Variants in GAB1 observed in about 807,000 individuals in gnomAD.
GAB1 encodes the protein GRB2 associated binding protein 1.
In GAB1, 19 loss-of-function variants were observed where a neutral mutation model predicts 66.5. That is an observed-to-expected ratio of 0.29 (90% CI 0.20 to 0.42). The LOEUF is 0.42. Among genes scored for constraint, GAB1 ranks in the 10% least tolerant of loss-of-function variants. The pLI, the probability that GAB1 is intolerant of heterozygous loss-of-function variation, is 1.00. For missense variants in GAB1, 732 were observed against 858.5 expected, an observed-to-expected ratio of 0.85 and a Z score of 1.84; for synonymous variants, 294 against 301.4, an observed-to-expected ratio of 0.98 and a Z score of 0.25.
chr4:143,370,201 T>C (rs990012686), intron 1 of GAB1, among the ~76,000 whole-genome samples: 1 of 152,190 alleles, frequency 6.6e-6, no homozygotes, highest in Admixed American at 6.5e-5. Context: ...GGCTAATATC[T>C]GTACGTGAGG....
chr4:143,418,333 TA>T (rs2149722288), intron 2 of GAB1, among the ~76,000 whole-genome samples: 1 of 152,350 alleles, frequency 6.6e-6, no homozygotes, highest in Admixed American at 6.5e-5. Flanking sequence ...TAACTTCAGT[TA>T]AAACCCTTTC....
chr4:143,466,047 C>T (rs562896017), intron 8 of GAB1, 56 bp from the exon 9 acceptor site: 98 of 1,595,164 alleles, frequency 6.1e-5, no homozygotes, highest in Non-Finnish European at 7.7e-5. Context: ...TTCAACAGTA[C>T]GAGTGGTATG....
chr4:143,370,403 A>G (rs1340052847), intron 1 of GAB1, among the ~76,000 whole-genome samples: 1 of 151,852 alleles, frequency 6.6e-6, no homozygotes, highest in African/African-American at 2.4e-5. Flanking sequence ...CCAGTGTAGA[A>G]CAAGGATTGT....
intron 6 of GAB1, among the ~76,000 whole-genome samples, chr4:143,448,606 T>C (rs1403004179): frequency 4.6e-5 from 7 of 151,812 alleles, no homozygotes; most frequent in African/African-American, 7.3e-5. Flanking sequence ...TCTCTGATGG[T>C]AGTTTGTATT....
At chr4:143,454,954 G>A (rs1319984201) in intron 6 of GAB1, among the ~76,000 whole-genome samples, 1 of 150,808 alleles carries the variant, frequency 6.6e-6, no homozygotes. Flanking sequence ...GTTTGTTCTT[G>A]CCTTGTTTCT....
chr4:143,467,392 GCCTTCTTTT>G (rs1355533070), intron 9 of GAB1, among the ~76,000 whole-genome samples: 2 of 152,132 alleles, frequency 1.3e-5, no homozygotes, highest in Non-Finnish European at 2.9e-5. Flanking sequence ...TAGAAGTGCT[GCCTTCTTTT>G]TGGATTCATA....
At chr4:143,371,869 G>A (rs899767478) in intron 1 of GAB1, among the ~76,000 whole-genome samples, 1 of 152,118 alleles carries the variant, frequency 6.6e-6, no homozygotes, top group Non-Finnish European at 1.5e-5. Context: ...TAGATTTGTG[G>A]TATTATTTCT....
At chr4:143,338,102 C>G (rs2149638269) in intron 1 of GAB1, among the ~76,000 whole-genome samples, 1 of 152,244 alleles carries the variant, frequency 6.6e-6, no homozygotes, top group East Asian at 1.9e-4. Context: ...ATGTGTTAAA[C>G]CGTTTTAGCT....
At chr4:143,454,205 C>T (rs1735068886) in intron 6 of GAB1, among the ~76,000 whole-genome samples, 1 of 152,164 alleles carries the variant, frequency 6.6e-6, no homozygotes, top group African/African-American at 2.4e-5. Context: ...CCATATTCTC[C>T]ATGACTTCCC....
In GAB1 at chr4:143,473,506, T is replaced by A. The variant is rs2149807567; in HGVS notation, c.*4317T>A. Reference sequence around the variant, plus strand: ...TCACTAAATCATGTTGAAACACAAGTCATGATCCTCTCTAAGTAAATAGAA... The same window carrying A: ...TCACTAAATCATGTTGAAACACAAGACATGATCCTCTCTAAGTAAATAGAA... On this transcript the variant is annotated 3_prime_UTR_variant, in exon 10 of 10. Coordinates refer to ENST00000262994, the MANE Select transcript of GAB1 (RefSeq NM_002039.4). 1 of 150,256 alleles carries A rather than the reference T, an allele frequency of 6.7e-6. No homozygotes were observed. Among genetic ancestry groups the A allele is most frequent in the Non-Finnish European group, 1.5e-5 (1 of 68,000 alleles). The allele number at this position is 150,256 out of a possible 1,614,324, so 9.3% of individuals were successfully genotyped here.
intron 1 of GAB1, among the ~76,000 whole-genome samples, chr4:143,355,877 A>G (rs1428098759): frequency 6.6e-6 from 1 of 152,018 alleles, no homozygotes; most frequent in Non-Finnish European, 1.5e-5. Context: ...TAAGTTTATG[A>G]TACTGGATCC....
At chr4:143,413,096 T>G (rs531156821) in intron 1 of GAB1, among the ~76,000 whole-genome samples, 1 of 152,152 alleles carries the variant, frequency 6.6e-6, no homozygotes, top group Non-Finnish European at 1.5e-5. Flanking sequence ...CAATAAAGTT[T>G]TAAAAAGTCA....
intron 8 of GAB1, among the ~76,000 whole-genome samples, chr4:143,460,939 A>G (rs1735462509): frequency 6.6e-6 from 1 of 152,250 alleles, no homozygotes; most frequent in Admixed American, 6.5e-5. Context: ...AGGCCATGTC[A>G]CAGCACTCTA....
At chr4:143,373,834 TCTCTCTC>T in intron 1 of GAB1, among the ~76,000 whole-genome samples, 1 of 135,200 alleles carries the variant, frequency 7.4e-6, no homozygotes, top group Non-Finnish European at 1.6e-5. Context: ...TCTCTCTCTC[TCTCTCTC>T]TCTCTCTCTC....
rs1730643681 is a variant in GAB1 at position 143,381,271 on chromosome 4, A to G, written c.73-34206A>G. Among the ~76,000 whole-genome samples, 3 of 152,222 alleles carry G rather than the reference A, an allele frequency of 2.0e-5. No homozygotes were observed. In the South Asian group the frequency reaches 6.2e-4, roughly 31 times the overall value. ...GGGAATTTGTCTTTCTGAAAGGGCT[A>G]GCACACAGTAGGTATTCAATGCAAG... On this transcript the variant is annotated intron_variant, in intron 1 of 9. Transcript: ENST00000262994.
intron 2 of GAB1, among the ~76,000 whole-genome samples, chr4:143,427,879 T>C (rs975824237): frequency 6.6e-6 from 1 of 152,214 alleles, no homozygotes; most frequent in Non-Finnish European, 1.5e-5. Context: ...TCCTAGTGAA[T>C]ACCCAGAGTA....
Position 143,473,010 on chromosome 4 carries a change from T to C in GAB1, c.*3821T>C, listed in dbSNP as rs546324615. The C allele has an allele frequency of 3.3e-5, 5 of 152,296 alleles. No individual in the cohort carries two copies. In the East Asian group the frequency reaches 9.6e-4, roughly 29 times the overall value. The allele number at this position is 152,296 out of a possible 1,614,324, so 9.4% of individuals were successfully genotyped here. On this transcript the variant is annotated 3_prime_UTR_variant, in exon 10 of 10. Coordinates refer to ENST00000262994, the MANE Select transcript of GAB1 (RefSeq NM_002039.4). ...TCTGTCTAAATAGTTCATGCATTAC[T>C]ACAGTTAAAAATAGTTTCATTTGTC...
intron 1 of GAB1, chr4:143,349,733 T>C: frequency 6.3e-7 from 1 of 1,586,424 alleles, no homozygotes. Flanking sequence ...TTGGAGCACT[T>C]AACACCCAGA....
At chr4:143,443,193 T>C (rs1165467341) in intron 6 of GAB1, among the ~76,000 whole-genome samples, 4 of 152,010 alleles carry the variant, frequency 2.6e-5, no homozygotes, top group Non-Finnish European at 5.9e-5. Flanking sequence ...ATTTTTTGTA[T>C]TTTTAGTAGA....
Sources: gnomAD v4.1 joint callset for allele counts (sites outside exome capture counted in the v4.1 genomes callset) on GRCh38, gnomAD v4.1.1 for gene constraint, MANE v1.5 for transcripts, NCBI Gene and HGNC (gene_info 2026-07-23, HGNC 2026-07-21) for gene names.